Variants in FRMD4B observed in about 807,000 individuals in gnomAD.
FRMD4B encodes FERM domain containing 4B, also known as FERM domain-containing protein 4B.
A neutral mutation model predicts 141.5 loss-of-function variants in FRMD4B; 74 were observed. That is an observed-to-expected ratio of 0.52 (90% CI 0.43 to 0.63). The LOEUF is 0.63. Among genes scored for constraint, FRMD4B ranks in the 30% least tolerant of loss-of-function variants. FRMD4B has a pLI of 0.00. For synonymous variants in FRMD4B, 506 were observed against 467.9 expected (o/e 1.08, Z -1.05); for missense variants, 1,366 against 1,253.4 (o/e 1.09, Z -1.36).
intron 4 of FRMD4B, among the ~76,000 whole-genome samples, chr3:69,295,169 G>A (rs12106743): frequency 0.49 from 74,624 of 152,020 alleles, 18,731 homozygotes; most frequent in Non-Finnish European, 0.54. Context: ...CATAGGTGAT[G>A]AAACAGGCCC....
intron 2 of FRMD4B, among the ~76,000 whole-genome samples, chr3:69,406,698 C>T (rs1704655003): frequency 6.6e-6 from 1 of 151,940 alleles, no homozygotes; most frequent in Non-Finnish European, 1.5e-5. Flanking sequence ...CTATGTTTAG[C>T]CAAGTCTTAC....
At chr3:69,326,608 T>A (rs1702200975) in intron 1 of FRMD4B, among the ~76,000 whole-genome samples, 1 of 152,230 alleles carries the variant, frequency 6.6e-6, no homozygotes, top group South Asian at 2.1e-4. Flanking sequence ...AGCAGATAGT[T>A]TCCATAATCT....
intron 7 of FRMD4B, among the ~76,000 whole-genome samples, chr3:69,232,315 G>C (rs553845375): frequency 6.6e-6 from 1 of 152,230 alleles, no homozygotes; most frequent in South Asian, 2.1e-4. Flanking sequence ...ACCAGAAATT[G>C]CTTCTCTCCA....
At chr3:69,497,169 T>C (rs921304759) in intron 1 of FRMD4B, among the ~76,000 whole-genome samples, 1 of 152,194 alleles carries the variant, frequency 6.6e-6, no homozygotes, top group Non-Finnish European at 1.5e-5. Context: ...CATCTTAGAA[T>C]GAATCCCAGA....
intron 11 of FRMD4B, among the ~76,000 whole-genome samples, chr3:69,201,956 C>A (rs2092971878): frequency 6.6e-6 from 1 of 152,160 alleles, no homozygotes; most frequent in African/African-American, 2.4e-5. Context: ...GCAATCCCAG[C>A]ACTTTGAGAG....
At chr3:69,449,732 C>CTTTTG (rs954800357) in intron 1 of FRMD4B, among the ~76,000 whole-genome samples, 1 of 151,958 alleles carries the variant, frequency 6.6e-6, no homozygotes, top group Non-Finnish European at 1.5e-5. Flanking sequence ...TCCCCTAAGG[C>CTTTTG]TTTTGTTTTG....
chr3:69,188,487 TG>T (rs1559697195), intron 18 of FRMD4B, among the ~76,000 whole-genome samples: 1 of 152,090 alleles, frequency 6.6e-6, no homozygotes, highest in African/African-American at 2.4e-5. Flanking sequence ...CCATAAAACT[TG>T]GGGAAGAGCC....
intron 1 of FRMD4B, among the ~76,000 whole-genome samples, chr3:69,349,647 C>T (rs1170173976): frequency 3.9e-5 from 6 of 152,046 alleles, no homozygotes. Context: ...TGGAACAGAA[C>T]AGAGCCCTCA....
At chr3:69,442,439 A>C (rs1054861748) in intron 1 of FRMD4B, among the ~76,000 whole-genome samples, 32 of 152,066 alleles carry the variant, frequency 2.1e-4, no homozygotes, top group Non-Finnish European at 4.1e-4. Flanking sequence ...GTTTGTTAAG[A>C]AGGCAGATTG....
At chr3:69,488,174 A>C (rs1259494244) in intron 1 of FRMD4B, among the ~76,000 whole-genome samples, 1 of 152,206 alleles carries the variant, frequency 6.6e-6, no homozygotes, top group East Asian at 1.9e-4. Context: ...AAGAGTGGTT[A>C]AAATGGAGCC....
Position 69,266,596 on chromosome 3 carries a change from G to A in FRMD4B, c.502-16497C>T, listed in dbSNP as rs371225448. Among the ~76,000 whole-genome samples, 68 of 152,238 alleles carry A rather than the reference G, an allele frequency of 4.5e-4. 2 individuals carry two copies. The highest frequency in any genetic ancestry group is 1.5e-3 in the African/African-American group (64 of 41,550). On this transcript the variant is annotated intron_variant, in intron 5 of 22. Transcript: ENST00000398540. ...CCACCTCGGCCTCCCAAAGTGCTGG[G>A]ATTACAGGCATGAGCCACCGTGACT...
chr3:69,276,976 C>T lies in FRMD4B; in HGVS notation c.501+10776G>A, dbSNP rs1008376279. Among the ~76,000 whole-genome samples, 5 of 152,166 alleles carry T rather than the reference C, an allele frequency of 3.3e-5. No homozygotes were observed. In the East Asian group the frequency reaches 7.7e-4, roughly 24 times the overall value. Reference sequence around the variant, plus strand: ...CAAAAAGATTCCAAGGGTATTGATACGTTAAGAGCATGTTTTCAGATGATA... The same window carrying T: ...CAAAAAGATTCCAAGGGTATTGATATGTTAAGAGCATGTTTTCAGATGATA... On this transcript the variant is annotated intron_variant, in intron 5 of 22. Transcript: ENST00000398540.
intron 1 of FRMD4B, among the ~76,000 whole-genome samples, chr3:69,487,454 C>T (rs987315243): frequency 5.3e-5 from 8 of 152,106 alleles, no homozygotes; most frequent in Non-Finnish European, 1.0e-4. Flanking sequence ...TCCAATAAAA[C>T]TAACCCAGCC....
At position 69,195,160 on chromosome 3, in the gene FRMD4B, T is replaced by A. The variant is rs753186779; in HGVS notation, c.1369-19A>T. The A allele has an allele frequency of 1.9e-6, 3 of 1,613,860 alleles. No homozygotes were observed. The highest frequency in any genetic ancestry group is 2.5e-6 in the Non-Finnish European group (3 of 1,179,842). On this transcript the variant is annotated intron_variant, in intron 15 of 22. Coordinates refer to ENST00000398540, the MANE Select transcript of FRMD4B (RefSeq NM_015123.3). ...TGAGCTCCTGTAAAACAGGACAGAA[T>A]CAAGAGCAGATAATTGACACTGGCC... is the stretch of plus-strand genomic sequence containing the variant.
chr3:69,410,954 C>T (rs901872491), intron 2 of FRMD4B, among the ~76,000 whole-genome samples: 3 of 151,642 alleles, frequency 2.0e-5, no homozygotes, highest in Non-Finnish European at 2.9e-5. Flanking sequence ...TTGTACCTGG[C>T]CTATAGAAGA....
At chr3:69,306,871 G>C (rs1701412933) in intron 3 of FRMD4B, 1 of 152,166 alleles carries the variant, frequency 6.6e-6, no homozygotes, top group African/African-American at 2.4e-5. Flanking sequence ...TTTTACGGGG[G>C]CGAAGGGAGG....
intron 1 of FRMD4B, among the ~76,000 whole-genome samples, chr3:69,454,543 C>T (rs539651729): frequency 2.1e-4 from 32 of 152,246 alleles, no homozygotes; most frequent in East Asian, 3.9e-4. Context: ...AGCTGGCCGG[C>T]GCCACCGGCC....
At chr3:69,485,377 G>A (rs751854971) in intron 1 of FRMD4B, among the ~76,000 whole-genome samples, 8 of 152,192 alleles carry the variant, frequency 5.3e-5, no homozygotes, top group Non-Finnish European at 1.0e-4. Context: ...TTGCACAGCT[G>A]GAGCTGCACC....
intron 5 of FRMD4B, among the ~76,000 whole-genome samples, chr3:69,260,140 C>G (rs376504909): frequency 6.6e-6 from 1 of 152,130 alleles, no homozygotes; most frequent in African/African-American, 2.4e-5. Flanking sequence ...CTCGGTGCCT[C>G]CTTGGCCTCG....
Sources: gnomAD v4.1 joint callset for allele counts (sites outside exome capture counted in the v4.1 genomes callset) on GRCh38, gnomAD v4.1.1 for gene constraint, MANE v1.5 for transcripts, NCBI Gene and HGNC (gene_info 2026-07-23, HGNC 2026-07-21) for gene names.